PKIG: variants seen among roughly 807,000 people sequenced by gnomAD.
PKIG encodes protein kinase (cAMP-dependent, catalytic) inhibitor gamma.
In PKIG, 1 loss-of-function variant was observed where a neutral mutation model predicts 6.8. The ratio of observed to expected loss-of-function variants is 0.15; its 90% CI spans 0.05 to 0.69. The LOEUF is 0.69. PKIG is among the 30% of genes least tolerant of loss of function. The pLI is 0.82. For missense variants in PKIG, 77 were observed against 104.0 expected (o/e 0.74, Z 1.13); for synonymous variants, 39 against 43.0 (o/e 0.91, Z 0.36).
At chr20:44,566,615 G>A (rs2064813113) in intron 1 of PKIG, among the ~76,000 whole-genome samples, 1 of 152,182 alleles carries the variant, frequency 6.6e-6, no homozygotes, top group Admixed American at 6.5e-5. Flanking sequence ...GGAGGCCGAG[G>A]CAGGCAGATC....
At chr20:44,572,224 T>TC (rs1484293131) in intron 1 of PKIG, among the ~76,000 whole-genome samples, 1 of 152,170 alleles carries the variant, frequency 6.6e-6, no homozygotes, top group African/African-American at 2.4e-5. Flanking sequence ...CAGGCTGGTC[T>TC]CCAACTCCTG....
intron 1 of PKIG, among the ~76,000 whole-genome samples, chr20:44,555,386 C>T (rs2064704353): frequency 6.6e-6 from 1 of 152,166 alleles, no homozygotes; most frequent in African/African-American, 2.4e-5. Context: ...TTGTTTGTCT[C>T]TCCAAAGCTT....
At chr20:44,542,382 G>A (rs755668169) in intron 1 of PKIG, among the ~76,000 whole-genome samples, 4 of 151,382 alleles carry the variant, frequency 2.6e-5, no homozygotes, top group African/African-American at 4.9e-5. Context: ...TACCTACTCC[G>A]TGTTTCTGCT....
At chr20:44,552,121 A>G (rs941051465) in intron 1 of PKIG, among the ~76,000 whole-genome samples, 1 of 152,188 alleles carries the variant, frequency 6.6e-6, no homozygotes, top group African/African-American at 2.4e-5. Context: ...GTTTGTCTCA[A>G]CTGTTACTAC....
At chr20:44,535,330 C>T (rs1313013025) in intron 1 of PKIG, among the ~76,000 whole-genome samples, 1 of 151,924 alleles carries the variant, frequency 6.6e-6, no homozygotes, top group Non-Finnish European at 1.5e-5. Context: ...GAGATATTGA[C>T]TATCATGTTT....
At chr20:44,590,684 G>C (rs1226460090) in intron 2 of PKIG, among the ~76,000 whole-genome samples, 1 of 152,134 alleles carries the variant, frequency 6.6e-6, no homozygotes, top group Non-Finnish European at 1.5e-5. Context: ...AGAATTGAAG[G>C]CTATTCTAGA....
chr20:44,577,787 C>G (rs941752536), upstream of PKIG, among the ~76,000 whole-genome samples: 1 of 152,038 alleles, frequency 6.6e-6, no homozygotes. Flanking sequence ...TAGTGGTGGC[C>G]AGAATTTCTT....
intron 1 of PKIG, among the ~76,000 whole-genome samples, chr20:44,576,296 ACTTTGTGGAGCTTACAGTCT>A (rs1038153482): frequency 6.6e-6 from 1 of 151,662 alleles, no homozygotes; most frequent in African/African-American, 2.4e-5. Flanking sequence ...CATACTGTTG[ACTTTGTGGAGCTTACAGTCT>A]GGTGGGGAAA....
chr20:44,609,137 G>A (rs776317823), intron 2 of PKIG, among the ~76,000 whole-genome samples: 2 of 152,094 alleles, frequency 1.3e-5, no homozygotes, highest in African/African-American at 4.8e-5. Context: ...TTCTGCTTTC[G>A]ATTGGAGAGC....
At chr20:44,534,764 C>T (rs571590286) in intron 1 of PKIG, among the ~76,000 whole-genome samples, 4 of 152,214 alleles carry the variant, frequency 2.6e-5, no homozygotes, top group South Asian at 2.1e-4. Flanking sequence ...CCACTGCGCC[C>T]GGCCTCATGC....
intron 3 of PKIG, among the ~76,000 whole-genome samples, chr20:44,615,443 G>A (rs1279096820): frequency 6.6e-6 from 1 of 152,232 alleles, no homozygotes; most frequent in African/African-American, 2.4e-5. Flanking sequence ...CACAGCAGGT[G>A]CTTGGTAACC....
intron 1 of PKIG, among the ~76,000 whole-genome samples, chr20:44,572,213 T>G (rs1194467129): frequency 1.3e-5 from 2 of 151,956 alleles, no homozygotes; most frequent in African/African-American, 2.4e-5. Flanking sequence ...ACCATGTTGG[T>G]CAGGCTGGTC....
chr20:44,571,010 G>T (rs1600861116), intron 1 of PKIG, among the ~76,000 whole-genome samples: 1 of 152,136 alleles, frequency 6.6e-6, no homozygotes, highest in Non-Finnish European at 1.5e-5. Context: ...GAGGCGAGTG[G>T]ATCACTTGAA....
intron 2 of PKIG, among the ~76,000 whole-genome samples, chr20:44,611,813 C>G (rs1184843691): frequency 1.3e-5 from 2 of 152,046 alleles, no homozygotes; most frequent in East Asian, 1.9e-4. Context: ...GCCACTGTGC[C>G]TAGCCGATAA....
At chr20:44,577,780 T>C (rs1259412726), upstream of PKIG, among the ~76,000 whole-genome samples, 1 of 152,162 alleles carries the variant, frequency 6.6e-6, no homozygotes, top group Non-Finnish European at 1.5e-5. Flanking sequence ...AAGTGGGTAG[T>C]GGTGGCCAGA....
intron 3 of PKIG, among the ~76,000 whole-genome samples, chr20:44,617,068 G>A (rs181685904): frequency 6.6e-6 from 1 of 152,198 alleles, no homozygotes; most frequent in African/African-American, 2.4e-5. Context: ...AGCTCACCTC[G>A]CTGGGCCTCG....
chr20:44,616,258 G>A (rs896657605), intron 3 of PKIG, among the ~76,000 whole-genome samples: 1 of 152,094 alleles, frequency 6.6e-6, no homozygotes, highest in African/African-American at 2.4e-5. Context: ...TCTTCTCCCT[G>A]CTGCCTCCAT....
intron 2 of PKIG, among the ~76,000 whole-genome samples, chr20:44,600,411 T>C (rs936871510): frequency 3.3e-5 from 5 of 152,104 alleles, no homozygotes; most frequent in African/African-American, 9.7e-5. Flanking sequence ...ATATAAAAAA[T>C]AGACCCTGGG....
At chr20:44,560,883 A>G (rs2064761101) in intron 1 of PKIG, among the ~76,000 whole-genome samples, 1 of 152,248 alleles carries the variant, frequency 6.6e-6, no homozygotes, top group Admixed American at 6.5e-5. Flanking sequence ...TCACTAGCAC[A>G]TGGGATTAAA....
Sources: allele counts gnomAD v4.1 joint callset (sites outside exome capture counted in the v4.1 genomes callset), GRCh38; gene constraint gnomAD v4.1.1; transcripts MANE v1.5; gene names NCBI Gene and HGNC (gene_info 2026-07-23, HGNC 2026-07-21).